Variants in ZFYVE1 observed in about 807,000 individuals in gnomAD.
ZFYVE1 encodes zinc finger FYVE-type containing 1.
Under a neutral mutation model 74.4 loss-of-function variants are expected in ZFYVE1, and 30 were observed. The observed-to-expected ratio is 0.40, with a 90% confidence interval of 0.30 to 0.55. The LOEUF (loss-of-function observed/expected upper bound fraction) is 0.55. Ranked by LOEUF, ZFYVE1 falls within the 20% of genes least tolerant of loss-of-function variation. The pLI is 0.42. For missense variants in ZFYVE1, 703 were observed against 1,011.6 expected, an observed-to-expected ratio of 0.69 and a Z score of 4.14; for synonymous variants, 335 against 385.1, an observed-to-expected ratio of 0.87 and a Z score of 1.52.
At chr14:72,982,258 C>T (rs538339046) in intron 4 of ZFYVE1, among the ~76,000 whole-genome samples, 9 of 152,236 alleles carry the variant, frequency 5.9e-5, no homozygotes, top group African/African-American at 1.9e-4. Context: ...AGGATGGCTC[C>T]TCTTTAAGCC....
chr14:73,018,430 C>CAAAAAAAAAAAAAAAAAAAAAAAAAAAA lies in ZFYVE1; in HGVS notation c.483+5595_483+5596insTTTTTTTTTTTTTTTTTTTTTTTTTTTT, dbSNP rs397853346. 3.6e-5 allele frequency among the ~76,000 whole-genome samples: 2 copies of CAAAAAAAAAAAAAAAAAAAAAAAAAAAA among 55,978 alleles called. 1 individual carries two copies. The allele number at this position is 55,978 out of a possible 152,430, so 36.7% of individuals were successfully genotyped here. A position where few individuals can be genotyped will look rare whatever the true frequency, so the allele number is the denominator to read the frequency against. ...TAGGCGACAGAGCAAGACTCCATCT[C>CAAAAAAAAAAAAAAAAAAAAAAAAAAAA]AAAAAAAAAAAAAAAAAAAAAAAGG... On this transcript the variant is annotated intron_variant, in intron 2 of 11. Coordinates refer to ENST00000556143, the MANE Select transcript of ZFYVE1 (RefSeq NM_021260.4).
At chr14:73,020,438 C>A (rs1894294448) in intron 2 of ZFYVE1, among the ~76,000 whole-genome samples, 1 of 152,100 alleles carries the variant, frequency 6.6e-6, no homozygotes, top group South Asian at 2.1e-4. Context: ...CTGCAACCTC[C>A]ACTTCCCGGG....
At chr14:72,990,491 A>T (rs1893582469) in intron 4 of ZFYVE1, among the ~76,000 whole-genome samples, 1 of 151,410 alleles carries the variant, frequency 6.6e-6, no homozygotes, top group Admixed American at 6.6e-5. Context: ...CCGCCTCTCA[A>T]ATTCAAGCAA....
Position 72,975,435 on chromosome 14 carries a change from C to T in ZFYVE1, c.1806+116G>A. ...CCCTTGCCGGTACTCACAGAGCTCA[C>T]TGCACTGGCAGAAAATGTTTGCGTC... On this transcript the variant is annotated intron_variant, in intron 9 of 11. Coordinates refer to ENST00000556143, the MANE Select transcript of ZFYVE1 (RefSeq NM_021260.4). The surrounding 1 kb of genome is among the most constrained non-coding windows in gnomAD (Gnocchi z 4.1). 7.4e-7 allele frequency: 1 copy of T among 1,357,762 alleles called. No homozygotes were observed. Among genetic ancestry groups the T allele is most frequent in the East Asian group, 2.4e-5 (1 of 42,458 alleles). The allele number at this position is 1,357,762 out of a possible 1,614,324, so 84.1% of individuals were successfully genotyped here.
intron 2 of ZFYVE1, among the ~76,000 whole-genome samples, chr14:73,011,129 T>C (rs2140380365): frequency 6.6e-6 from 1 of 151,652 alleles, no homozygotes; most frequent in Admixed American, 6.6e-5. Context: ...CCTCTGAATG[T>C]TTTTGGAAAT....
At chr14:72,990,400 CTT>C (rs11298113) in intron 4 of ZFYVE1, among the ~76,000 whole-genome samples, 16 of 145,392 alleles carry the variant, frequency 1.1e-4, no homozygotes, top group Admixed American at 2.8e-4. Context: ...TGAACAGGTT[CTT>C]TTTTTTTTTT....
intron 4 of ZFYVE1, among the ~76,000 whole-genome samples, chr14:72,992,840 T>G (rs967438363): frequency 2.0e-5 from 3 of 152,138 alleles, no homozygotes; most frequent in African/African-American, 7.2e-5. Flanking sequence ...CCAGATTAAG[T>G]GAGACTCAAC....
At chr14:73,009,858 A>G (rs2140379044) in intron 2 of ZFYVE1, among the ~76,000 whole-genome samples, 1 of 152,298 alleles carries the variant, frequency 6.6e-6, no homozygotes, top group South Asian at 2.1e-4. Flanking sequence ...CTTTAATCCC[A>G]GCAGTTCGGG....
In ZFYVE1 at chr14:72,987,583, T is replaced by C. The variant is rs530969817; in HGVS notation, c.1203+5560A>G. ...AAAAAAAAATTAAGACAAAATTACATAAAACCTATACAAATTCAACTATGA... is the reference window on the plus strand; with the variant it reads ...AAAAAAAAATTAAGACAAAATTACACAAAACCTATACAAATTCAACTATGA... On this transcript the variant is annotated intron_variant, in intron 4 of 11. Transcript: ENST00000556143. Among the ~76,000 whole-genome samples the C allele has an allele frequency of 2.0e-4, 30 of 152,206 alleles. 2 individuals carry two copies. Among genetic ancestry groups the C allele is most frequent in the Non-Finnish European group, 3.5e-4 (24 of 67,988 alleles).
chr14:72,993,401 T>TAA (rs374753534), intron 3 of ZFYVE1, 44 bp from the exon 4 acceptor site: 490 of 1,224,188 alleles, frequency 4.0e-4, no homozygotes, highest in South Asian at 6.8e-4. Context: ...GAGTGACATT[T>TAA]AAAAAAAAAA....
intron 4 of ZFYVE1, among the ~76,000 whole-genome samples, chr14:72,983,447 C>T (rs1427859939): frequency 6.2e-5 from 9 of 146,320 alleles, no homozygotes; most frequent in Non-Finnish European, 1.0e-4. Context: ...TGAGAACATG[C>T]GGTGTTTGGT....
chr14:72,988,178 T>C (rs1460725351), intron 4 of ZFYVE1, among the ~76,000 whole-genome samples: 2 of 149,996 alleles, frequency 1.3e-5, no homozygotes, highest in Non-Finnish European at 3.0e-5. Context: ...TAACAACATT[T>C]TTTTTTTTTT....
rs1193294873 is a variant in ZFYVE1, at chr14:73,024,508, TACTC to T, written c.-4_-1del. ...TCTGCTGGGGAAGTCTGGGCACTCATACTCACGCTGGTAAGGAAACACACCCACC... is the reference window on the plus strand; with the variant it reads ...TCTGCTGGGGAAGTCTGGGCACTCATACGCTGGTAAGGAAACACACCCACC... On this transcript the variant is annotated 5_prime_UTR_variant, in exon 2 of 12. Coordinates refer to ENST00000556143, the MANE Select transcript of ZFYVE1 (RefSeq NM_021260.4). The T allele has an allele frequency of 6.3e-7, 1 of 1,593,814 alleles. No individual in the cohort carries two copies. The highest frequency in any genetic ancestry group is 8.6e-7 in the Non-Finnish European group (1 of 1,169,020).
At position 72,993,251 on chromosome 14, in the gene ZFYVE1, G is replaced by A. The variant is rs751790686; in HGVS notation, c.1095C>T (p.Tyr365=). ...GCCCAGAAAAGTCCGTGGGAGGGTT[G>A]TAAGTCCTCGTTCCCTTGTAGTGAA... ...SSIHYKGTRT[Y]NPPTDFSGLR... The change falls in exon 4 of 12, where the codon TAC becomes TAT. Residue 365 remains tyrosine, a synonymous_variant. Transcript: ENST00000556143. 1.2e-5 allele frequency: 20 copies of A among 1,613,926 alleles called. No homozygotes were observed. Among genetic ancestry groups the A allele is most frequent in the Non-Finnish European group, 1.7e-5 (20 of 1,179,992 alleles).
chr14:73,002,843 G>A (rs1181198027), intron 2 of ZFYVE1, among the ~76,000 whole-genome samples: 13 of 149,332 alleles, frequency 8.7e-5, no homozygotes, highest in Admixed American at 6.1e-4. Flanking sequence ...CCAGGTTCAC[G>A]CCATTCTCCT....
chr14:72,993,400 TTA>T, intron 3 of ZFYVE1, 43 bp from the exon 4 acceptor site: 5 of 1,509,196 alleles, frequency 3.3e-6, no homozygotes, highest in South Asian at 1.3e-5. Flanking sequence ...TGAGTGACAT[TTA>T]AAAAAAAAAA....
At chr14:72,978,067 C>A in intron 7 of ZFYVE1, 23 bp from the exon 8 acceptor site, 2 of 1,614,070 alleles carry the variant, frequency 1.2e-6, no homozygotes, top group Non-Finnish European at 1.7e-6. Flanking sequence ...CAAATCAATA[C>A]TGTTACCCAG....
At chr14:72,993,842 G>A (rs998025537) in intron 3 of ZFYVE1, among the ~76,000 whole-genome samples, 18 of 151,636 alleles carry the variant, frequency 1.2e-4, no homozygotes, top group African/African-American at 3.9e-4. Flanking sequence ...GCAACATGGT[G>A]AAATGCCATC....
rs74062620 is a variant in ZFYVE1 at position 72,977,870 on chromosome 14, C to G, written c.1635+57G>C. 1,788 of 1,555,170 alleles carry G rather than the reference C, an allele frequency of 1.1e-3. 29 individuals are homozygous for G. In the African/African-American group the frequency reaches 0.022, roughly 19 times the overall value. ...TAAGCAGGTTCCAGTTTTCTATACA[C>G]ATGAAAAACTGAACGACACAAGATA... On this transcript the variant is annotated intron_variant, in intron 8 of 11. Transcript: ENST00000556143.
Sources: gnomAD v4.1 joint callset for allele counts (sites outside exome capture counted in the v4.1 genomes callset) on GRCh38, gnomAD v4.1.1 for gene constraint, Gnocchi (gnomAD v3.1) non-coding constraint, MANE v1.5 for transcripts, NCBI Gene and HGNC (gene_info 2026-07-23, HGNC 2026-07-21) for gene names.